CACUL1: variants seen among roughly 807,000 people sequenced by gnomAD.
CACUL1 encodes CDK2 associated cullin domain 1.
CACUL1 carries 13 observed loss-of-function variants against 45.2 expected under a neutral mutation model. The observed-to-expected ratio is 0.29, with a 90% CI of 0.19 to 0.46. The LOEUF is 0.46. Among genes scored for constraint, CACUL1 ranks in the 20% least tolerant of loss-of-function variants. The probability of loss-of-function intolerance (pLI) is 1.00; values close to 1 mark genes in which losing one functional copy is unlikely to be tolerated. For synonymous variants in CACUL1, 197 were observed against 174.2 expected, an observed-to-expected ratio of 1.13 and a Z score of -1.03; for missense variants, 421 against 471.4, an observed-to-expected ratio of 0.89 and a Z score of 0.99.
chr10:118,714,612 T>C (rs1230897179), intron 3 of CACUL1, among the ~76,000 whole-genome samples: 1 of 152,210 alleles, frequency 6.6e-6, no homozygotes, highest in Non-Finnish European at 1.5e-5. Context: ...TTGTCAGTCT[T>C]TTTTTCAAGT....
intron 5 of CACUL1, among the ~76,000 whole-genome samples, chr10:118,700,119 A>C (rs1052499441): frequency 2.0e-5 from 3 of 151,788 alleles, no homozygotes; most frequent in African/African-American, 7.3e-5. Flanking sequence ...AGCATCAAAA[A>C]TGAAAAAAAA....
At chr10:118,748,506 ATC>A (rs2119681916) in intron 1 of CACUL1, among the ~76,000 whole-genome samples, 1 of 152,280 alleles carries the variant, frequency 6.6e-6, no homozygotes, top group African/African-American at 2.4e-5. Flanking sequence ...AAATTCCTTC[ATC>A]TCTCACTCAG....
chr10:118,687,713 TC>T (rs1470966624), intron 7 of CACUL1, among the ~76,000 whole-genome samples: 2 of 152,190 alleles, frequency 1.3e-5, no homozygotes, highest in African/African-American at 4.8e-5. Context: ...CTCACTTTCC[TC>T]CACTCTCTGC....
chr10:118,714,312 T>C (rs1308454110), intron 3 of CACUL1, among the ~76,000 whole-genome samples: 1 of 152,236 alleles, frequency 6.6e-6, no homozygotes, highest in East Asian at 1.9e-4. Context: ...AAAATACTGA[T>C]TCTCTGAGTT....
rs1054689490 is a variant in CACUL1 at position 118,677,899 on chromosome 10, A to G, written c.*8229T>C. On this transcript the variant is annotated 3_prime_UTR_variant, in exon 9 of 9. Coordinates refer to ENST00000369151, the MANE Select transcript of CACUL1 (RefSeq NM_153810.5). The stretch of plus-strand genomic sequence containing the variant: ...GGCTATTAAGAGGTGCCTATGCTCA[A>G]TTTCATTAGATAATACTGTTCTCCA... 6.6e-6 allele frequency: 1 copy of G among 152,210 alleles called. No individual in the cohort carries two copies. Among genetic ancestry groups the G allele is most frequent in the Admixed American group, 6.5e-5 (1 of 15,284 alleles). The allele number at this position is 152,210 out of a possible 1,614,324, so 9.4% of individuals were successfully genotyped here.
chr10:118,738,930 G>A (rs1041045034), intron 1 of CACUL1, among the ~76,000 whole-genome samples: 6 of 144,394 alleles, frequency 4.2e-5, no homozygotes, highest in African/African-American at 1.6e-4. Flanking sequence ...GGGCGCTGTG[G>A]TTCACGCCTG....
chr10:118,741,055 T>C (rs1845788266), intron 1 of CACUL1, among the ~76,000 whole-genome samples: 1 of 151,976 alleles, frequency 6.6e-6, no homozygotes. Flanking sequence ...GCAGTAACAA[T>C]ATCACCACAT....
intron 3 of CACUL1, among the ~76,000 whole-genome samples, chr10:118,713,617 G>C (rs891345370): frequency 6.6e-6 from 1 of 152,174 alleles, no homozygotes; most frequent in African/African-American, 2.4e-5. Context: ...TATTCATCTG[G>C]TTTAAAATTC....
intron 3 of CACUL1, chr10:118,726,213 C>A: frequency 1.3e-6 from 1 of 794,888 alleles, no homozygotes; most frequent in East Asian, 6.4e-5. Context: ...GCCTTAAGGT[C>A]TCTATAAAAT....
chr10:118,689,996 T>G (rs187281623), intron 7 of CACUL1, among the ~76,000 whole-genome samples: 21 of 152,336 alleles, frequency 1.4e-4, no homozygotes, highest in Non-Finnish European at 1.8e-4. Context: ...CATACTCAGA[T>G]TATTTTGCAT....
At position 118,680,356 on chromosome 10, in the gene CACUL1, G is replaced by A. The variant is rs1231134798; in HGVS notation, c.*5772C>T. The A allele has an allele frequency of 5.9e-5, 9 of 152,046 alleles. No individual in the cohort carries two copies. Among genetic ancestry groups the A allele is most frequent in the African/African-American group, 2.2e-4 (9 of 41,398 alleles). The allele number at this position is 152,046 out of a possible 1,614,324, so 9.4% of individuals were successfully genotyped here. On this transcript the variant is annotated 3_prime_UTR_variant, in exon 9 of 9. Coordinates refer to ENST00000369151, the MANE Select transcript of CACUL1 (RefSeq NM_153810.5). ...AACTGTGGGGCAGGGGAGTGAAAATGGAAATTGTCAGAGTCACTGAATTCT... is the reference window on the plus strand; with the variant it reads ...AACTGTGGGGCAGGGGAGTGAAAATAGAAATTGTCAGAGTCACTGAATTCT...
At chr10:118,704,104 G>A (rs1370616653) in intron 4 of CACUL1, among the ~76,000 whole-genome samples, 2 of 151,784 alleles carry the variant, frequency 1.3e-5, no homozygotes, top group Non-Finnish European at 2.9e-5. Flanking sequence ...TAAGGTAGTG[G>A]CTAGGTGGTC....
At chr10:118,694,335 ATTATG>A (rs1845300059) in intron 6 of CACUL1, among the ~76,000 whole-genome samples, 1 of 152,236 alleles carries the variant, frequency 6.6e-6, no homozygotes, top group South Asian at 2.1e-4. Flanking sequence ...TTGCATGCTT[ATTATG>A]TTATCAGGTA....
At chr10:118,700,400 C>T (rs1040015538) in intron 5 of CACUL1, among the ~76,000 whole-genome samples, 8 of 151,942 alleles carry the variant, frequency 5.3e-5, no homozygotes, top group East Asian at 3.9e-4. Context: ...CTACCTACTG[C>T]GAGGGGGAAG....
In CACUL1 at chr10:118,682,745, T is replaced by C. The variant is rs935648396; in HGVS notation, c.*3383A>G. On this transcript the variant is annotated 3_prime_UTR_variant, in exon 9 of 9. Coordinates refer to ENST00000369151, the MANE Select transcript of CACUL1 (RefSeq NM_153810.5). ...AGCATGGCACGCAGCCAGGGAGTGGTAGCTGCACAGTGTGAGCACTGGAGA... is the reference window on the plus strand; with the variant it reads ...AGCATGGCACGCAGCCAGGGAGTGGCAGCTGCACAGTGTGAGCACTGGAGA... 1 of 152,686 alleles carries C rather than the reference T, an allele frequency of 6.5e-6. No individual in the cohort carries two copies. The highest frequency in any genetic ancestry group is 1.5e-5 in the Non-Finnish European group (1 of 68,070). 9.5% of individuals were successfully genotyped at this position (152,686 alleles called of 1,614,324 possible).
chr10:118,753,879 G>C (rs987075961), intron 1 of CACUL1, among the ~76,000 whole-genome samples: 1 of 152,206 alleles, frequency 6.6e-6, no homozygotes, highest in Non-Finnish European at 1.5e-5. Context: ...AGTAGAGAAG[G>C]AACAAGGTGT....
intron 3 of CACUL1, among the ~76,000 whole-genome samples, chr10:118,713,929 TGTATCTGTAA>T (rs1765067287): frequency 6.6e-6 from 1 of 152,206 alleles, no homozygotes; most frequent in South Asian, 2.1e-4. Flanking sequence ...ATATGCAGGT[TGTATCTGTAA>T]GTATTTACCA....
chr10:118,691,504 T>C, intron 6 of CACUL1, 101 bp from the exon 7 acceptor site: 1 of 1,051,616 alleles, frequency 9.5e-7, no homozygotes, highest in Non-Finnish European at 1.4e-6. Flanking sequence ...AAGCCAAATT[T>C]AAGCAGGGGA....
chr10:118,740,399 CAGG>C (rs1190458868), intron 1 of CACUL1, among the ~76,000 whole-genome samples: 1 of 151,858 alleles, frequency 6.6e-6, no homozygotes, highest in East Asian at 1.9e-4. Flanking sequence ...GGCTTGAGGC[CAGG>C]AGTTCAAGAC....
Sources: gnomAD v4.1 joint callset for allele counts (sites outside exome capture counted in the v4.1 genomes callset) on GRCh38, gnomAD v4.1.1 for gene constraint, MANE v1.5 for transcripts, NCBI Gene and HGNC (gene_info 2026-07-23, HGNC 2026-07-21) for gene names.